The following TMED8 variants were observed in gnomAD, a reference collection of about 807,000 sequenced individuals.
TMED8 encodes protein TMED8.
In TMED8, 15 loss-of-function variants were observed where a neutral mutation model predicts 32.7. The ratio of observed to expected loss-of-function variants is 0.46; its 90% CI spans 0.31 to 0.71. The LOEUF is 0.71. Among genes scored for constraint, TMED8 ranks in the 30% least tolerant of loss-of-function variants. The pLI is 0.06. For synonymous variants in TMED8, 147 were observed against 161.4 expected (o/e 0.91, Z 0.68); for missense variants, 390 against 423.9 (o/e 0.92, Z 0.70).
intron 1 of TMED8, among the ~76,000 whole-genome samples, chr14:77,372,909 TATATATATATA>T (rs1893706148): frequency 0.012 from 98 of 8,030 alleles, 5 homozygotes; most frequent in South Asian, 0.04. Context: ...ACAGATATTA[TATATATATATA>T]TATATATATA....
intron 5 of TMED8, among the ~76,000 whole-genome samples, chr14:77,342,800 G>A (rs1892936265): frequency 6.6e-6 from 1 of 152,182 alleles, no homozygotes; most frequent in African/African-American, 2.4e-5. Context: ...ACTCACTTTG[G>A]TTCCAGGCCA....
intron 1 of TMED8, among the ~76,000 whole-genome samples, chr14:77,362,915 A>C (rs537083356): frequency 6.6e-6 from 1 of 152,358 alleles, no homozygotes; most frequent in East Asian, 1.9e-4. Flanking sequence ...CAAGCCATCA[A>C]GAGGACATAA....
In TMED8 at chr14:77,376,738, G is replaced by C; in HGVS notation, c.118+198C>G. ...GCAGGAATCAAGGCATTTCGAAACA[G>C]GAGTGAGTAGAAAATAACCTCGAGC... On this transcript the variant is annotated intron_variant, in intron 1 of 5. Coordinates refer to ENST00000216468, the MANE Select transcript of TMED8 (RefSeq NM_213601.3). This position sits in a 1 kb window ranked among gnomAD's most constrained non-coding sequence, Gnocchi z 4.0. 8.5e-6 allele frequency: 3 copies of C among 353,676 alleles called. No individual in the cohort carries two copies. Among genetic ancestry groups the C allele is most frequent in the Non-Finnish European group, 1.5e-5 (3 of 197,714 alleles). The allele number at this position is 353,676 out of a possible 1,614,324, so 21.9% of individuals were successfully genotyped here. A position where few individuals can be genotyped will look rare whatever the true frequency, so the allele number is the denominator to read the frequency against.
chr14:77,349,516 C>T (rs1893131833), intron 2 of TMED8, among the ~76,000 whole-genome samples: 1 of 152,190 alleles, frequency 6.6e-6, no homozygotes, highest in African/African-American at 2.4e-5. Context: ...AGTCCTCAAA[C>T]ACCCCAAGTA....
chr14:77,361,692 A>G (rs1371511898), intron 1 of TMED8, among the ~76,000 whole-genome samples: 1 of 84,092 alleles, frequency 1.2e-5, no homozygotes, highest in Non-Finnish European at 2.3e-5. Flanking sequence ...TTTCCAAATC[A>G]TGAACACAGG....
In TMED8 at chr14:77,336,900, C is replaced by G. The variant is rs1414714227; in HGVS notation, c.*4871G>C. 1 of 152,168 alleles carries G rather than the reference C, an allele frequency of 6.6e-6. No individual in the cohort carries two copies. Among genetic ancestry groups the G allele is most frequent in the African/African-American group, 2.4e-5 (1 of 41,436 alleles). 9.4% of individuals were successfully genotyped at this position (152,168 alleles called of 1,614,324 possible). A position where few individuals can be genotyped will look rare whatever the true frequency, so the allele number is the denominator to read the frequency against. On this transcript the variant is annotated 3_prime_UTR_variant, in exon 6 of 6. Transcript: ENST00000216468. ...GAGTCTGGGTTTCAACTAATTCTCT[C>G]AAAGAGGGACTGAGCAGGACTCATA...
In TMED8 at chr14:77,344,871, G is replaced by A. The variant is rs374975119; in HGVS notation, c.328-1048C>T. 2.6e-4 allele frequency among the ~76,000 whole-genome samples: 39 copies of A among 152,340 alleles called. No homozygotes were observed. The South Asian group carries it at 6.6e-3, about 26-fold the overall frequency. ...TGAAATGAATCAGACTTTGGCTAGC[G>A]TGCTTAAATAAATCCTTCCTTTTCT... On this transcript the variant is annotated intron_variant, in intron 3 of 5. Transcript: ENST00000216468.
Position 77,375,084 on chromosome 14 carries a change from A to G in TMED8, c.118+1852T>C, listed in dbSNP as rs377022469. Reference sequence around the variant, plus strand: ...TGATTGTTGACATGACTAAATCAGAAAATATAAATTTTTTTCCACCTCTGG... The same window carrying G: ...TGATTGTTGACATGACTAAATCAGAGAATATAAATTTTTTTCCACCTCTGG... On this transcript the variant is annotated intron_variant, in intron 1 of 5. Coordinates refer to ENST00000216468, the MANE Select transcript of TMED8 (RefSeq NM_213601.3). Among the ~76,000 whole-genome samples, 5 of 152,346 alleles carry G rather than the reference A, an allele frequency of 3.3e-5. No individual in the cohort carries two copies. The East Asian group carries it at 9.6e-4, about 29-fold the overall frequency.
intron 1 of TMED8, among the ~76,000 whole-genome samples, chr14:77,362,483 A>G (rs1316777667): frequency 6.6e-6 from 1 of 152,192 alleles, no homozygotes; most frequent in African/African-American, 2.4e-5. Context: ...CCCCAGATAA[A>G]CAAATAATAA....
intron 1 of TMED8, among the ~76,000 whole-genome samples, chr14:77,374,946 T>G (rs537313724): frequency 1.3e-5 from 2 of 152,330 alleles, no homozygotes; most frequent in East Asian, 3.9e-4. Context: ...AATTATAGAC[T>G]TCATCATAAC....
At chr14:77,367,426 A>G (rs1298792594) in intron 1 of TMED8, among the ~76,000 whole-genome samples, 1 of 151,982 alleles carries the variant, frequency 6.6e-6, no homozygotes, top group East Asian at 1.9e-4. Context: ...TCATTACCTG[A>G]TCCTTTCCTC....
At chr14:77,356,292 C>CAATG (rs1399107954) in intron 1 of TMED8, among the ~76,000 whole-genome samples, 4 of 152,212 alleles carry the variant, frequency 2.6e-5, no homozygotes, top group African/African-American at 4.8e-5. Context: ...TTCCCCTACC[C>CAATG]AATGCCCTTT....
chr14:77,358,181 T>TCA (rs75880149), intron 1 of TMED8, among the ~76,000 whole-genome samples: 1,642 of 145,388 alleles, frequency 0.011, 13 homozygotes, highest in African/African-American at 0.014. Context: ...ATGTAATATA[T>TCA]CACACACACA....
chr14:77,363,285 T>C (rs1893478686), intron 1 of TMED8, among the ~76,000 whole-genome samples: 1 of 151,948 alleles, frequency 6.6e-6, no homozygotes, highest in East Asian at 1.9e-4. Flanking sequence ...GTAAAAAAAC[T>C]AGAAATCAGT....
chr14:77,356,018 G>A (rs561522043), intron 1 of TMED8, among the ~76,000 whole-genome samples: 2 of 152,174 alleles, frequency 1.3e-5, no homozygotes, highest in African/African-American at 4.8e-5. Context: ...TTCAAGTAAA[G>A]GGAAAGAAAA....
intron 2 of TMED8, among the ~76,000 whole-genome samples, chr14:77,350,234 G>A (rs144890171): frequency 1.3e-5 from 2 of 152,226 alleles, no homozygotes; most frequent in Middle Eastern, 3.4e-3. Context: ...TTGGTGGGAC[G>A]TGAAAGCACA....
At chr14:77,374,109 T>C (rs1030780597) in intron 1 of TMED8, among the ~76,000 whole-genome samples, 2 of 152,212 alleles carry the variant, frequency 1.3e-5, no homozygotes, top group Non-Finnish European at 2.9e-5. Flanking sequence ...CACCTGAATA[T>C]CCAATTCCAT....
At position 77,341,561 on chromosome 14, in the gene TMED8, A is replaced by C. The variant is rs1397587097; in HGVS notation, c.*210T>G. ...GTCTGAAGCAAGAAGGGTATGAGTC[A>C]GGGACTACAGAACAGGGGCACTACA... On this transcript the variant is annotated 3_prime_UTR_variant, in exon 6 of 6. Transcript: ENST00000216468. The C allele has an allele frequency of 1.4e-5, 8 of 592,116 alleles. No individual in the cohort carries two copies. The highest frequency in any genetic ancestry group is 1.2e-5 in the Non-Finnish European group (4 of 331,890). 36.7% of individuals were successfully genotyped at this position (592,116 alleles called of 1,614,324 possible). A position where few individuals can be genotyped will look rare whatever the true frequency, so the allele number is the denominator to read the frequency against.
At chr14:77,343,658 C>T in intron 4 of TMED8, 39 bp downstream of exon 4, 1 of 1,611,772 alleles carries the variant, frequency 6.2e-7, no homozygotes, top group Non-Finnish European at 8.5e-7. Context: ...TGAGTATCTA[C>T]TGGAAACAAA....
Sources: allele counts gnomAD v4.1 joint callset (sites outside exome capture counted in the v4.1 genomes callset), GRCh38; gene constraint gnomAD v4.1.1; non-coding constraint Gnocchi (gnomAD v3.1); transcripts MANE v1.5; gene names NCBI Gene and HGNC (gene_info 2026-07-23, HGNC 2026-07-21).